MRPL27: variants seen among roughly 807,000 people sequenced by gnomAD.
MRPL27 encodes the protein large ribosomal subunit protein bL27m.
MRPL27 carries 4 observed loss-of-function variants against 14.6 expected under a neutral mutation model. The ratio of observed to expected loss-of-function variants is 0.27; its 90% CI spans 0.14 to 0.63. MRPL27 has a LOEUF of 0.63. Among genes scored for constraint, MRPL27 ranks in the 20% least tolerant of loss-of-function variants. MRPL27 has a pLI of 0.85. For missense variants in MRPL27, 196 were observed against 192.8 expected (o/e 1.02, Z -0.10); for synonymous variants, 82 against 75.5 (o/e 1.09, Z -0.45).
chr17:50,369,798 C>T, intron 3 of MRPL27: 1 of 586,016 alleles, frequency 1.7e-6, no homozygotes, highest in Non-Finnish European at 3.0e-6. Flanking sequence ...GTTAGGCAGA[C>T]CTGGTGCAAA....
chr17:50,370,136 C>T (rs763110717), intron 2 of MRPL27, 37 bp from the exon 3 acceptor site: 1 of 1,569,460 alleles, frequency 6.4e-7, no homozygotes, highest in South Asian at 1.2e-5. Context: ...GGCAGCATAG[C>T]AAACTACCAA....
At position 50,373,160 on chromosome 17, in the gene MRPL27, A is replaced by T. The variant is rs776728568; in HGVS notation, c.11T>A (p.Val4Glu). 1 of 1,612,172 alleles carries T rather than the reference A, an allele frequency of 6.2e-7. No individual in the cohort carries two copies. The highest frequency in any genetic ancestry group is 1.7e-5 in the Admixed American group (1 of 59,946). ...TGTCCGGGTCCTCAGCGCCAACACC[A>T]CCGACGCCATGCTTTCGATCACTCA... is the stretch of plus-strand genomic sequence containing the variant. The part of the protein sequence containing the change: MAS[V>E]VLALRTRTAV... The change falls in exon 1 of 4, where the codon GTG becomes GAG. Residue 4 changes from valine (V) to glutamate (E), a missense_variant. Coordinates refer to ENST00000225969, the MANE Select transcript of MRPL27 (RefSeq NM_016504.3).
chr17:50,368,379 C>T, intron 3 of MRPL27, 81 bp from the exon 4 acceptor site: 1 of 1,445,896 alleles, frequency 6.9e-7, no homozygotes, highest in Non-Finnish European at 9.5e-7. Flanking sequence ...ACTTCTCACA[C>T]AGAGCCGGGC....
At chr17:50,369,927 C>T (rs1913076339) in intron 3 of MRPL27, 105 bp downstream of exon 3, 10 of 1,270,048 alleles carry the variant, frequency 7.9e-6, no homozygotes, top group Non-Finnish European at 4.5e-6. Flanking sequence ...ACAATGCTTG[C>T]CATTTGGTAA....
intron 2 of MRPL27, 144 bp downstream of exon 2, chr17:50,370,311 T>G: frequency 7.3e-7 from 1 of 1,376,956 alleles, no homozygotes; most frequent in Non-Finnish European, 1.0e-6. Flanking sequence ...TGACCCTTCC[T>G]CAGGTCTTAT....
chr17:50,368,769 A>G (rs17776853), intron 3 of MRPL27: 116,761 of 683,988 alleles, frequency 0.17, 12,257 homozygotes, highest in Middle Eastern at 0.25. Flanking sequence ...CTAATAAAAC[A>G]ATCATACTAC....
chr17:50,370,763 C>CT, intron 1 of MRPL27, 177 bp from the exon 2 acceptor site: 1 of 534,814 alleles, frequency 1.9e-6, no homozygotes, highest in Non-Finnish European at 2.9e-6. Context: ...TGGCTTTCTC[C>CT]TTTTGGGGGA....
At chr17:50,370,636 C>T (rs760933753) in intron 1 of MRPL27, 50 bp from the exon 2 acceptor site, 2 of 1,610,348 alleles carry the variant, frequency 1.2e-6, no homozygotes, top group African/African-American at 1.3e-5. Context: ...CAAACTATTT[C>T]TGCCTCAATG....
intron 3 of MRPL27, chr17:50,369,754 A>G: frequency 2.0e-6 from 1 of 494,564 alleles, no homozygotes; most frequent in African/African-American, 2.0e-5. Context: ...TACCAGGCCA[A>G]TGCAACACCA....
chr17:50,371,333 T>C (rs1313801578), intron 1 of MRPL27, among the ~76,000 whole-genome samples: 1 of 152,080 alleles, frequency 6.6e-6, no homozygotes, highest in Non-Finnish European at 1.5e-5. Flanking sequence ...ATGGCTGGCC[T>C]AAAAGTGGCT....
chr17:50,372,207 T>C (rs1913177013), intron 1 of MRPL27, among the ~76,000 whole-genome samples: 1 of 144,554 alleles, frequency 6.9e-6, no homozygotes, highest in Non-Finnish European at 1.5e-5. Flanking sequence ...GTCACTCTCC[T>C]GTCCCTCACT....
At chr17:50,370,626 CA>C in intron 1 of MRPL27, 40 bp from the exon 2 acceptor site, 1 of 1,611,636 alleles carries the variant, frequency 6.2e-7, no homozygotes, top group South Asian at 1.1e-5. Flanking sequence ...CAGACAGGCT[CA>C]AACTATTTCT....
intron 3 of MRPL27, chr17:50,369,032 C>G: frequency 1.7e-6 from 1 of 595,688 alleles, no homozygotes; most frequent in South Asian, 2.1e-5. Flanking sequence ...AAAGAATGGG[C>G]TCTGGAGCCA....
intron 1 of MRPL27, among the ~76,000 whole-genome samples, chr17:50,372,072 T>C (rs1336578265): frequency 6.6e-6 from 1 of 152,218 alleles, no homozygotes; most frequent in Non-Finnish European, 1.5e-5. Context: ...CACAAACATC[T>C]TGGCTAAATC....
chr17:50,370,216 C>T (rs1206264455), intron 2 of MRPL27, 117 bp from the exon 3 acceptor site: 2 of 1,192,846 alleles, frequency 1.7e-6, no homozygotes, highest in Admixed American at 2.4e-5. Flanking sequence ...AACTCCCAGA[C>T]AGTCCAACAC....
At chr17:50,372,967 G>A in intron 1 of MRPL27, 164 bp downstream of exon 1, 1 of 930,282 alleles carries the variant, frequency 1.1e-6, no homozygotes, top group Non-Finnish European at 1.6e-6. Flanking sequence ...CACCCAGGAT[G>A]TGTCACGTGA....
chr17:50,371,008 T>A, intron 1 of MRPL27: 2 of 165,864 alleles, frequency 1.2e-5, no homozygotes, highest in Non-Finnish European at 2.6e-5. Context: ...TTTTTTTTTT[T>A]AAAGACGGAG....
chr17:50,368,429 T>C, intron 3 of MRPL27, 131 bp from the exon 4 acceptor site: 1 of 882,968 alleles, frequency 1.1e-6, no homozygotes, highest in Non-Finnish European at 1.7e-6. Flanking sequence ...CCATCTCAGG[T>C]TCCCTTTCCC....
chr17:50,372,998 A>G (rs1382705049), intron 1 of MRPL27, 133 bp downstream of exon 1: 1 of 1,296,642 alleles, frequency 7.7e-7, no homozygotes, highest in Admixed American at 2.1e-5. Flanking sequence ...CGTCCCTCAA[A>G]CCTGGAGTAC....
Sources: gnomAD v4.1 joint callset for allele counts (sites outside exome capture counted in the v4.1 genomes callset) on GRCh38, gnomAD v4.1.1 for gene constraint, MANE v1.5 for transcripts, NCBI Gene and HGNC (gene_info 2026-07-23, HGNC 2026-07-21) for gene names.